ELK4: variants seen among roughly 807,000 people sequenced by gnomAD.
ELK4 encodes the protein ETS domain-containing protein Elk-4.
Under a neutral mutation model 29.6 loss-of-function variants are expected in ELK4, and 16 were observed. The observed-to-expected ratio is 0.54, with a 90% CI of 0.37 to 0.82. The LOEUF is 0.82. ELK4 is among the 40% of genes least tolerant of loss of function. ELK4 has a pLI of 0.00. For missense variants in ELK4, 465 were observed against 507.1 expected (o/e 0.92, Z 0.80); for synonymous variants, 213 against 191.1 (o/e 1.11, Z -0.95).
rs187237447 is a variant in ELK4 at position 205,608,189 on chromosome 1, A to G, written c.*8357T>C. 2.0e-4 allele frequency: 38 copies of G among 190,512 alleles called. No homozygotes were observed. Among genetic ancestry groups the G allele is most frequent in the Admixed American group, 2.0e-3 (32 of 16,280 alleles). The allele number at this position is 190,512 out of a possible 1,614,324, so 11.8% of individuals were successfully genotyped here. On this transcript the variant is annotated 3_prime_UTR_variant, in exon 5 of 5. Transcript: ENST00000357992. ...TTATAGAATTTAACAAAATTTTTGC[A>G]TAAAACCTGGGAAGTGATAGAAAAA...
intron 1 of ELK4, among the ~76,000 whole-genome samples, chr1:205,629,194 G>C (rs201527521): frequency 1.5e-5 from 2 of 129,908 alleles, no homozygotes; most frequent in Admixed American, 7.7e-5. Flanking sequence ...AAAAAGAAAA[G>C]AAAAAAATGG....
chr1:205,629,882 G>A (rs1259196904), intron 1 of ELK4, among the ~76,000 whole-genome samples: 1 of 152,020 alleles, frequency 6.6e-6, no homozygotes, highest in Non-Finnish European at 1.5e-5. Flanking sequence ...TTGAAACCCT[G>A]TCTTTACCAA....
At chr1:205,626,260 G>C in intron 1 of ELK4, 1 of 455,510 alleles carries the variant, frequency 2.2e-6, no homozygotes, top group Non-Finnish European at 4.2e-6. Flanking sequence ...ATTCAGGACC[G>C]GCACTTCTTA....
chr1:205,623,175 A>G (rs1312350141), intron 2 of ELK4, among the ~76,000 whole-genome samples: 1 of 144,608 alleles, frequency 6.9e-6, no homozygotes, highest in African/African-American at 2.7e-5. Context: ...AAAAAAAAAA[A>G]GAAGAAGATT....
In ELK4 at chr1:205,613,010, T is replaced by C; in HGVS notation, c.*3536A>G. 1 of 206,182 alleles carries C rather than the reference T, an allele frequency of 4.9e-6. No homozygotes were observed. The highest frequency in any genetic ancestry group is 6.0e-5 in the Admixed American group (1 of 16,692). 12.8% of individuals were successfully genotyped at this position (206,182 alleles called of 1,614,324 possible). ...GCTTACGGTTGACCTTTCAAGGGCCTCTAATTCTTTTTTTTTTTTCCTGAC... is the reference window on the plus strand; with the variant it reads ...GCTTACGGTTGACCTTTCAAGGGCCCCTAATTCTTTTTTTTTTTTCCTGAC... On this transcript the variant is annotated 3_prime_UTR_variant, in exon 5 of 5. Coordinates refer to ENST00000357992, the MANE Select transcript of ELK4 (RefSeq NM_001973.4).
At chr1:205,617,371 A>G (rs1670248330) in intron 4 of ELK4, among the ~76,000 whole-genome samples, 1 of 152,248 alleles carries the variant, frequency 6.6e-6, no homozygotes, top group South Asian at 2.1e-4. Context: ...TCAACCATGA[A>G]TAAGTAAATG....
chr1:205,619,639 CTGTT>C (rs1670294757), intron 3 of ELK4: 3 of 1,335,476 alleles, frequency 2.2e-6, no homozygotes, highest in Middle Eastern at 2.8e-4. Flanking sequence ...GAGATTATCA[CTGTT>C]TGTTTTATAA....
At chr1:205,627,696 A>G (rs1251953659) in intron 1 of ELK4, among the ~76,000 whole-genome samples, 1 of 152,210 alleles carries the variant, frequency 6.6e-6, no homozygotes, top group Non-Finnish European at 1.5e-5. Context: ...TTCTAACAAC[A>G]TTTAACTCAC....
chr1:205,618,849 TA>T (rs1301720425), intron 4 of ELK4, 107 bp downstream of exon 4: 2 of 804,922 alleles, frequency 2.5e-6, no homozygotes, highest in African/African-American at 3.7e-5. Context: ...GAATATTCAT[TA>T]AATAGAAGTT....
In ELK4 at chr1:205,620,467, C is replaced by G; in HGVS notation, c.579G>C (p.Thr193=). The change falls in exon 3 of 5, where the codon ACG becomes ACC. Residue 193 remains threonine (T), a synonymous_variant. Coordinates refer to ENST00000357992, the MANE Select transcript of ELK4 (RefSeq NM_001973.4). ...CAACCGGTGGCTTTTTGGAAGGTGTCGTGACAAATTTGATGACAGATGGTG... is the reference window on the plus strand; with the variant it reads ...CAACCGGTGGCTTTTTGGAAGGTGTGGTGACAAATTTGATGACAGATGGTG... The part of the protein sequence containing the change: ...EPTPSVIKFV[T]TPSKKPPVEP... The G allele has an allele frequency of 1.2e-6, 2 of 1,613,990 alleles. No individual in the cohort carries two copies. Among genetic ancestry groups the G allele is most frequent in the South Asian group, 1.1e-5 (1 of 91,040 alleles).
chr1:205,620,684 T>G lies in ELK4; in HGVS notation c.362A>C (p.Glu121Ala), dbSNP rs1396496255. The stretch of plus-strand genomic sequence containing the variant: ...AGGTGGTTTATCTTTCCCTCCATTC[T>G]CCACATCTTTGGAACTGCTGCTGAC... The part of the protein sequence containing the change: ...SEVSSSSKDV[E>A]NGGKDKPPQP... Residue 121 changes from glutamate (E) to alanine (A), a missense_variant, in exon 3 of 5, where the codon GAG becomes GCG. By Grantham distance (107) the Glu-to-Ala change is moderately radical. Around this residue, in one of 2 missense-constraint regions of ELK4, gnomAD observed 385 missense variants for 387.5 expected, o/e 0.99. Transcript: ENST00000357992. The G allele has an allele frequency of 6.2e-7, 1 of 1,614,162 alleles. No individual in the cohort carries two copies. Among genetic ancestry groups the G allele is most frequent in the South Asian group, 1.1e-5 (1 of 91,088 alleles).
At chr1:205,625,764 C>G (rs1236740800) in intron 1 of ELK4, 2 of 651,850 alleles carry the variant, frequency 3.1e-6, no homozygotes, top group Admixed American at 4.5e-5. Context: ...CTGCAACCTC[C>G]GCCTCCTGGG....
At chr1:205,628,406 A>G (rs1266374145) in intron 1 of ELK4, among the ~76,000 whole-genome samples, 1 of 152,232 alleles carries the variant, frequency 6.6e-6, no homozygotes, top group Non-Finnish European at 1.5e-5. Flanking sequence ...ATTTCCAGAC[A>G]TCACCTTCAT....
chr1:205,617,965 A>ATGTGTGTGTGTGTG (rs71773934), intron 4 of ELK4, among the ~76,000 whole-genome samples: 6 of 147,600 alleles, frequency 4.1e-5, no homozygotes, highest in South Asian at 2.2e-4. Context: ...TCCCCCATAT[A>ATGTGTGTGTGTGTG]TGTGTGTGTG....
Position 205,614,757 on chromosome 1 carries a change from G to A in ELK4, c.*1789C>T, listed in dbSNP as rs897564232. The A allele has an allele frequency of 6.2e-5, 14 of 227,192 alleles. No homozygotes were observed. The highest frequency in any genetic ancestry group is 3.1e-4 in the African/African-American group (14 of 44,994). 14.1% of individuals were successfully genotyped at this position (227,192 alleles called of 1,614,324 possible). A position where few individuals can be genotyped will look rare whatever the true frequency, so the allele number is the denominator to read the frequency against. ...AAGATGCTAGTTTGTAACAGTGTCAGTCTGAGCCTTCAAGTTCTTACTTCT... is the reference window on the plus strand; with the variant it reads ...AAGATGCTAGTTTGTAACAGTGTCAATCTGAGCCTTCAAGTTCTTACTTCT... On this transcript the variant is annotated 3_prime_UTR_variant, in exon 5 of 5. Coordinates refer to ENST00000357992, the MANE Select transcript of ELK4 (RefSeq NM_001973.4).
At chr1:205,622,836 TAATA>T (rs1328590616) in intron 2 of ELK4, among the ~76,000 whole-genome samples, 5 of 152,130 alleles carry the variant, frequency 3.3e-5, no homozygotes, top group African/African-American at 1.2e-4. Flanking sequence ...GGGAGTAAGT[TAATA>T]AATAAAATCT....
In ELK4 at chr1:205,613,355, A is replaced by T. The variant is rs1178444113; in HGVS notation, c.*3191T>A. Reference sequence around the variant, plus strand: ...AAAGATCTCATTTCTAAAAAAAGAAAAAGAAAAAGATCACTGAAGTCAGAC... The same window carrying T: ...AAAGATCTCATTTCTAAAAAAAGAATAAGAAAAAGATCACTGAAGTCAGAC... On this transcript the variant is annotated 3_prime_UTR_variant, in exon 5 of 5. Transcript: ENST00000357992. 2 of 185,912 alleles carry T rather than the reference A, an allele frequency of 1.1e-5. No homozygotes were observed. The highest frequency in any genetic ancestry group is 2.3e-5 in the Non-Finnish European group (2 of 87,966). 11.5% of individuals were successfully genotyped at this position (185,912 alleles called of 1,614,324 possible).
chr1:205,631,954 C>G lies in ELK4; in HGVS notation c.-332G>C, dbSNP rs1477687306. 6.6e-6 allele frequency: 1 copy of G among 150,712 alleles called. No homozygotes were observed. Among genetic ancestry groups the G allele is most frequent in the Non-Finnish European group, 1.5e-5 (1 of 67,146 alleles). 9.3% of individuals were successfully genotyped at this position (150,712 alleles called of 1,614,324 possible). ...CAGCGGCGGGGCCTGCCAGGCCCTC[C>G]GCGGCCGCCGCCACTCTCAAACCCC... On this transcript the variant is annotated 5_prime_UTR_variant, in exon 1 of 5. Transcript: ENST00000357992.
intron 4 of ELK4, 44 bp downstream of exon 4, chr1:205,618,913 T>C: frequency 6.8e-7 from 1 of 1,477,388 alleles, no homozygotes; most frequent in Non-Finnish European, 9.3e-7. Context: ...TCTTTCTTCA[T>C]TTAACATGCT....
Sources: gnomAD v4.1 joint callset for allele counts (sites outside exome capture counted in the v4.1 genomes callset) on GRCh38, gnomAD v4.1.1 for gene constraint, gnomAD v4.1.1 regional missense constraint, MANE v1.5 for transcripts, NCBI Gene and HGNC (gene_info 2026-07-23, HGNC 2026-07-21) for gene names.